Variants in ATP12A observed in about 807,000 individuals in gnomAD.
The protein encoded by ATP12A is ATPase H+/K+ transporting non-gastric alpha2 subunit, also known as potassium-transporting ATPase alpha chain 2.
A neutral mutation model predicts 111.2 loss-of-function variants in ATP12A; 81 were observed. The observed-to-expected ratio is 0.73, with a 90% CI of 0.61 to 0.88. The LOEUF is 0.88. ATP12A is among the 40% of genes least tolerant of loss of function. The pLI, the probability that ATP12A is intolerant of heterozygous loss-of-function variation, is 0.00. For missense variants in ATP12A, 1,196 were observed against 1,313.1 expected, an observed-to-expected ratio of 0.91 and a Z score of 1.38; for synonymous variants, 498 against 499.8, an observed-to-expected ratio of 1.00 and a Z score of 0.05.
At position 24,690,156 on chromosome 13, in the gene ATP12A, T is replaced by A. The variant is rs735771; in HGVS notation, c.547-182T>A. 6.1e-4 allele frequency among the ~76,000 whole-genome samples: 92 copies of A among 151,976 alleles called. 2 individuals are homozygous for A. The South Asian group carries it at 0.019, about 31-fold the overall frequency. ...CATTCTTGCTGTTCTGACAGCCTCATGCTCCAGCAGCAATGCTGTGTCCAC... is the reference window on the plus strand; with the variant it reads ...CATTCTTGCTGTTCTGACAGCCTCAAGCTCCAGCAGCAATGCTGTGTCCAC... On this transcript the variant is annotated intron_variant, in intron 5 of 22. Coordinates refer to ENST00000381946, the MANE Select transcript of ATP12A (RefSeq NM_001676.7).
intron 4 of ATP12A, 37 bp downstream of exon 4, chr13:24,688,559 C>A: frequency 6.7e-7 from 1 of 1,489,782 alleles, no homozygotes; most frequent in Non-Finnish European, 9.0e-7. Context: ...GTTTTGCTGG[C>A]AGAGCCATCC....
rs112835811 is a variant in ATP12A, at chr13:24,711,344, C to T, written c.3026C>T (p.Pro1009Leu). 1.8e-5 allele frequency: 29 copies of T among 1,606,138 alleles called. No homozygotes were observed. The Admixed American group carries it at 2.0e-4, about 11-fold the overall frequency. ...GCTCAGTACTGGTTTGTGGCTGTGC[C>T]GCACGCCATCCTGATCTGGGTGTAT... ...LRAQYWFVAV[P>L]HAILIWVYDE... Residue 1009 changes from proline (P) to leucine (L), a missense_variant, in exon 22 of 23, where the codon CCG becomes CTG. Coordinates refer to ENST00000381946, the MANE Select transcript of ATP12A (RefSeq NM_001676.7).
intron 11 of ATP12A, among the ~76,000 whole-genome samples, chr13:24,696,928 T>C (rs925075346): frequency 6.6e-6 from 1 of 152,212 alleles, no homozygotes; most frequent in Non-Finnish European, 1.5e-5. Flanking sequence ...CTGTGTCTTA[T>C]TGATTAGAAT....
In ATP12A at chr13:24,699,322, T is replaced by G. The variant is rs556584174; in HGVS notation, c.1705+472T>G. 3.9e-5 allele frequency among the ~76,000 whole-genome samples: 6 copies of G among 152,216 alleles called. 1 individual carries two copies. Among genetic ancestry groups the G allele is most frequent in the African/African-American group, 1.4e-4 (6 of 41,548 alleles). ...TCATCCTGCAGTCAGTAGAGAGCAC[T>G]GAGGGCTGTGCCACTAGAGTGAGCT... On this transcript the variant is annotated intron_variant, in intron 12 of 22. Coordinates refer to ENST00000381946, the MANE Select transcript of ATP12A (RefSeq NM_001676.7).
intron 8 of ATP12A, among the ~76,000 whole-genome samples, chr13:24,692,053 C>T (rs1874926825): frequency 6.6e-6 from 1 of 152,188 alleles, no homozygotes; most frequent in Admixed American, 6.5e-5. Flanking sequence ...TGGGACAACT[C>T]TTTGGCATGC....
chr13:24,688,831 A>G (rs918660518), intron 4 of ATP12A, among the ~76,000 whole-genome samples: 1 of 152,218 alleles, frequency 6.6e-6, no homozygotes, highest in Non-Finnish European at 1.5e-5. Context: ...CTGCCGAGAC[A>G]TGAGTACCAA....
chr13:24,698,219 A>G (rs78235067), intron 11 of ATP12A, among the ~76,000 whole-genome samples: 2 of 152,050 alleles, frequency 1.3e-5, no homozygotes, highest in Non-Finnish European at 2.9e-5. Flanking sequence ...TGGGTGGACA[A>G]TGAGGTGAGG....
intron 3 of ATP12A, among the ~76,000 whole-genome samples, chr13:24,686,632 G>T (rs538709477): frequency 6.6e-6 from 1 of 151,148 alleles, no homozygotes; most frequent in African/African-American, 2.4e-5. Flanking sequence ...CCAGCTACTC[G>T]GGAGGCTGAG....
At position 24,692,529 on chromosome 13, in the gene ATP12A, C is replaced by G. The variant is rs771242833; in HGVS notation, c.1169C>G (p.Ser390Trp). The G allele has an allele frequency of 1.2e-6, 2 of 1,611,686 alleles. No individual in the cohort carries two copies. Among genetic ancestry groups the G allele is most frequent in the African/African-American group, 2.7e-5 (2 of 72,938 alleles). ...CTCGGCTCCACCTCCATCATCTGCT[C>G]GGACAAGACTGGGACACTGACCCAG... Reference protein sequence around the residue: ...ETLGSTSIICSDKTGTLTQNR... With the variant: ...ETLGSTSIICWDKTGTLTQNR... The change falls in exon 9 of 23, where the codon TCG becomes TGG. Residue 390 changes from serine (S) to tryptophan (W), a missense_variant. By Grantham distance (177) the Ser-to-Trp change is radical. Transcript: ENST00000381946.
chr13:24,710,670 A>G, intron 20 of ATP12A, 77 bp downstream of exon 20: 5 of 1,608,702 alleles, frequency 3.1e-6, no homozygotes, highest in East Asian at 2.2e-5. Flanking sequence ...TTTTCACAAG[A>G]CAGAGTTCTG....
intron 2 of ATP12A, among the ~76,000 whole-genome samples, chr13:24,682,078 T>C (rs1446592230): frequency 8.0e-6 from 1 of 124,676 alleles, no homozygotes; most frequent in African/African-American, 3.1e-5. Context: ...GTATGGTGTG[T>C]GTATGTGTGG....
chr13:24,686,529 A>G (rs1874673327), intron 3 of ATP12A, among the ~76,000 whole-genome samples: 1 of 151,902 alleles, frequency 6.6e-6, no homozygotes, highest in South Asian at 2.1e-4. Context: ...TCACGAGGTC[A>G]GGAGATCGAG....
chr13:24,694,766 C>G (rs1295592723), intron 11 of ATP12A, among the ~76,000 whole-genome samples, 188 bp downstream of exon 11: 1 of 152,080 alleles, frequency 6.6e-6, no homozygotes, highest in African/African-American at 2.4e-5. Context: ...AACCCTGAAG[C>G]AGGGCAGAGA....
intron 5 of ATP12A, among the ~76,000 whole-genome samples, chr13:24,689,762 C>T (rs1162070791): frequency 1.3e-5 from 2 of 152,162 alleles, no homozygotes; most frequent in East Asian, 1.9e-4. Flanking sequence ...GGTGGGGAAG[C>T]CCAGTGCTCC....
chr13:24,711,199 G>A, intron 21 of ATP12A, 119 bp from the exon 22 acceptor site: 2 of 968,652 alleles, frequency 2.1e-6, no homozygotes, highest in East Asian at 5.3e-5. Context: ...GGACCTCGTG[G>A]ATTTGTCGTT....
chr13:24,693,902 C>T (rs1031686133), intron 10 of ATP12A, among the ~76,000 whole-genome samples: 3 of 152,192 alleles, frequency 2.0e-5, no homozygotes, highest in South Asian at 2.1e-4. Flanking sequence ...TCTTTGATTC[C>T]GGTTTATCCC....
Position 24,690,479 on chromosome 13 carries a change from G to C in ATP12A, c.681+7G>C, listed in dbSNP as rs371556999. On this transcript the variant is annotated splice_region_variant and intron_variant, in intron 6 of 22. Transcript: ENST00000381946. ...GTCTTCTCAGGGGTGTCGGGTAAGC[G>C]GCAAGGGGTATCCACCCCAAGGACC... is the stretch of plus-strand genomic sequence containing the variant. 6.2e-7 allele frequency: 1 copy of C among 1,613,518 alleles called. No homozygotes were observed. The highest frequency in any genetic ancestry group is 1.3e-5 in the African/African-American group (1 of 74,828).
intron 1 of ATP12A, among the ~76,000 whole-genome samples, chr13:24,681,359 C>G (rs140172236): frequency 6.6e-6 from 1 of 152,288 alleles, no homozygotes; most frequent in Non-Finnish European, 1.5e-5. Flanking sequence ...CGCCTCCCCT[C>G]TACACGGACG....
intron 2 of ATP12A, among the ~76,000 whole-genome samples, chr13:24,683,178 G>C (rs1205228162): frequency 6.6e-6 from 1 of 152,090 alleles, no homozygotes; most frequent in Admixed American, 6.5e-5. Flanking sequence ...GGCTGCTCTC[G>C]AACTCCTGAC....
Sources: gnomAD v4.1 joint callset for allele counts (sites outside exome capture counted in the v4.1 genomes callset) on GRCh38, gnomAD v4.1.1 for gene constraint, MANE v1.5 for transcripts, NCBI Gene and HGNC (gene_info 2026-07-23, HGNC 2026-07-21) for gene names.